The following PIGG variants were observed in gnomAD, a reference collection of about 807,000 sequenced individuals.
The protein encoded by PIGG is phosphatidylinositol glycan anchor biosynthesis class G (EMM blood group).
Under a neutral mutation model 83.2 loss-of-function variants are expected in PIGG, and 70 were observed. The ratio of observed to expected loss-of-function variants is 0.84; its 90% CI spans 0.69 to 1.03. The LOEUF is 1.03. Among genes scored for constraint, PIGG ranks in the 50% least tolerant of loss-of-function variants. PIGG has a pLI of 0.00. For synonymous variants in PIGG, 532 were observed against 519.5 expected (o/e 1.02, Z -0.33); for missense variants, 1,257 against 1,233.6 (o/e 1.02, Z -0.28).
chr4:501,441 G>A (rs1268887984), intron 2 of PIGG, among the ~76,000 whole-genome samples: 3 of 152,246 alleles, frequency 2.0e-5, no homozygotes, highest in African/African-American at 4.8e-5. Context: ...GATGAATAAA[G>A]GTGGGGACAG....
intron 5 of PIGG, among the ~76,000 whole-genome samples, chr4:512,810 T>C (rs1296153795): frequency 6.6e-6 from 1 of 152,020 alleles, no homozygotes; most frequent in Non-Finnish European, 1.5e-5. Flanking sequence ...TGAGACTCCA[T>C]CTAAAAATAG....
intron 6 of PIGG, among the ~76,000 whole-genome samples, chr4:517,214 G>A (rs752881803): frequency 1.2e-4 from 18 of 152,178 alleles, no homozygotes; most frequent in Non-Finnish European, 2.1e-4. Context: ...GGAGGATTCT[G>A]CTTTGTGCTG....
intron 12 of PIGG, among the ~76,000 whole-genome samples, 190 bp from the exon 13 acceptor site, chr4:538,963 C>T (rs1475901421): frequency 1.3e-5 from 2 of 152,166 alleles, no homozygotes; most frequent in African/African-American, 4.8e-5. Context: ...TGGGTTTTCC[C>T]GTCTCCAGCG....
chr4:505,694 A>G, intron 2 of PIGG, 24 bp from the exon 3 acceptor site: 2 of 1,590,384 alleles, frequency 1.3e-6, no homozygotes, highest in Non-Finnish European at 1.7e-6. Flanking sequence ...TCAGTGGCCT[A>G]ATTCTTGCAT....
At chr4:520,311 A>G (rs1164343976) in intron 6 of PIGG, among the ~76,000 whole-genome samples, 1 of 152,228 alleles carries the variant, frequency 6.6e-6, no homozygotes, top group East Asian at 1.9e-4. Flanking sequence ...GTCCCGGCAG[A>G]GGCTCACGCA....
rs782707805 is a variant in PIGG at position 500,384 on chromosome 4, TCAAA to T, written c.155-9_155-6del. On this transcript the variant is annotated splice_polypyrimidine_tract_variant and splice_region_variant and intron_variant, in intron 1 of 12. Coordinates refer to ENST00000453061, the MANE Select transcript of PIGG (RefSeq NM_001127178.3). ...AGAGTTCAATTTCCTTTTTTTTCTT[TCAAA>T]CACTTAGGAGCCAGTTCTAACTGGA... The T allele has an allele frequency of 6.2e-7, 1 of 1,606,092 alleles. No individual in the cohort carries two copies. Among genetic ancestry groups the T allele is most frequent in the Non-Finnish European group, 8.5e-7 (1 of 1,173,872 alleles).
intron 7 of PIGG, 133 bp downstream of exon 7, chr4:521,406 C>T (rs1448428248): frequency 1.6e-5 from 11 of 707,880 alleles, no homozygotes; most frequent in Non-Finnish European, 2.1e-5. Context: ...TTAACTCTTT[C>T]GTGGTGTGTC....
At chr4:514,562 G>C (rs1432922643) in intron 5 of PIGG, among the ~76,000 whole-genome samples, 1 of 152,160 alleles carries the variant, frequency 6.6e-6, no homozygotes, top group Non-Finnish European at 1.5e-5. Flanking sequence ...GGTATTTCAA[G>C]ATCACTGTCT....
At position 533,868 on chromosome 4, in the gene PIGG, C is replaced by T. The variant is rs1277521303; in HGVS notation, c.2622C>T (p.Gly874=). The T allele has an allele frequency of 4.3e-6, 7 of 1,614,162 alleles. No individual in the cohort carries two copies. The East Asian group carries it at 1.6e-4, about 36-fold the overall frequency. ...ATVDISAGFV[G]LDTYVEIPAV... ...TGGACATCTCCGCAGGCTTCGTGGG[C>T]TTAGACACCTACGTGGAAATCCCAG... Residue 874 remains glycine, a synonymous_variant, in exon 12 of 13, where the codon GGC becomes GGT. Coordinates refer to ENST00000453061, the MANE Select transcript of PIGG (RefSeq NM_001127178.3).
At position 506,975 on chromosome 4, in the gene PIGG, C is replaced by T. The variant is rs1373110231; in HGVS notation, c.571-430C>T. The T allele has an allele frequency of 2.0e-5, 6 of 302,434 alleles. No homozygotes were observed. The Admixed American group carries it at 2.4e-4, about 12-fold the overall frequency. The allele number at this position is 302,434 out of a possible 1,614,324, so 18.7% of individuals were successfully genotyped here. A position where few individuals can be genotyped will look rare whatever the true frequency, so the allele number is the denominator to read the frequency against. ...CACCTTCAGTTATGCCCATTAAGCC[C>T]AGCAGTGATCCCACAGAAAAATATT... On this transcript the variant is annotated intron_variant, in intron 3 of 12. Transcript: ENST00000453061.
intron 5 of PIGG, among the ~76,000 whole-genome samples, chr4:514,900 T>C (rs1182425437): frequency 1.3e-5 from 2 of 152,220 alleles, no homozygotes; most frequent in Non-Finnish European, 2.9e-5. Context: ...TGTTTTTGTC[T>C]TTGTGTTTTA....
At chr4:517,566 G>A (rs115807452) in intron 6 of PIGG, among the ~76,000 whole-genome samples, 184 of 152,262 alleles carry the variant, frequency 1.2e-3, no homozygotes, top group African/African-American at 4.3e-3. Flanking sequence ...GGGCAGCTGC[G>A]TCAAAGGTTG....
intron 8 of PIGG, 163 bp downstream of exon 8, chr4:522,104 G>C: frequency 1.4e-6 from 1 of 724,570 alleles, no homozygotes; most frequent in Non-Finnish European, 2.4e-6. Context: ...ACGTGGAGCA[G>C]CCTTATCCCA....
intron 12 of PIGG, among the ~76,000 whole-genome samples, chr4:535,315 C>T (rs1180315532): frequency 6.9e-6 from 1 of 144,834 alleles, no homozygotes; most frequent in Non-Finnish European, 1.5e-5. Context: ...GGGCTAGTGG[C>T]CCCTGCGGCA....
chr4:525,330 A>C, intron 9 of PIGG: 9 of 985,446 alleles, frequency 9.1e-6, no homozygotes, highest in Non-Finnish European at 1.1e-5. Context: ...CTTAAATTTT[A>C]ATTGTCTGGC....
chr4:539,297 G>C lies in PIGG; in HGVS notation c.2880G>C (p.Met960Ile). ...CTCCAAAACTTCTCTACGAGGGAAT[G>C]CACCTGCTCATTACAGCTGCTGTCT... ...VFSPKLLYEG[M>I]HLLITAAVCV... is the part of the protein sequence containing the mutation. The change falls in exon 13 of 13, where the codon ATG (methionine) becomes ATC (isoleucine). Residue 960 changes from methionine (M) to isoleucine (I), a missense_variant. Transcript: ENST00000453061. The C allele has an allele frequency of 3.1e-6, 5 of 1,613,750 alleles. No homozygotes were observed. The highest frequency in any genetic ancestry group is 4.2e-6 in the Non-Finnish European group (5 of 1,179,664).
At position 524,221 on chromosome 4, in the gene PIGG, C is replaced by G. The variant is rs139577554; in HGVS notation, c.2069+308C>G. Among the ~76,000 whole-genome samples, 196 of 152,326 alleles carry G rather than the reference C, an allele frequency of 1.3e-3. 4 individuals are homozygous for G. In the East Asian group the frequency reaches 0.035, roughly 27 times the overall value. The stretch of plus-strand genomic sequence containing the variant: ...TATAGTAAAGATGCTATGTGGGGGT[C>G]AAGCTTGCTAGTGGCTTGTTCTGGA... On this transcript the variant is annotated intron_variant, in intron 9 of 12. Transcript: ENST00000453061.
At chr4:539,011 G>T in intron 12 of PIGG, 142 bp from the exon 13 acceptor site, 2 of 624,918 alleles carry the variant, frequency 3.2e-6, no homozygotes, top group Non-Finnish European at 5.7e-6. Context: ...CATAGTGACT[G>T]GATGTGTGTG....
chr4:517,196 G>C (rs6838555), intron 6 of PIGG, among the ~76,000 whole-genome samples: 1 of 152,144 alleles, frequency 6.6e-6, no homozygotes, highest in Non-Finnish European at 1.5e-5. Context: ...TGTCTCAGGC[G>C]CCCTCGTGGA....
Sources: allele counts gnomAD v4.1 joint callset (sites outside exome capture counted in the v4.1 genomes callset), GRCh38; gene constraint gnomAD v4.1.1; transcripts MANE v1.5; gene names NCBI Gene and HGNC (gene_info 2026-07-23, HGNC 2026-07-21).